Variants in FCHO1 observed in about 807,000 individuals in gnomAD.
FCHO1 encodes the protein F-BAR domain only protein 1.
In FCHO1, 45 loss-of-function variants were observed where a neutral mutation model predicts 114.4. The ratio of observed to expected loss-of-function variants is 0.39; its 90% CI spans 0.31 to 0.50. The LOEUF (loss-of-function observed/expected upper bound fraction) is 0.50, where lower values mean the gene tolerates loss of function less well. FCHO1 is among the 20% of genes least tolerant of loss of function. The pLI, the probability that FCHO1 is intolerant of heterozygous loss-of-function variation, is 0.77. For synonymous variants in FCHO1, 480 were observed against 488.9 expected (o/e 0.98, Z 0.24); for missense variants, 1,042 against 1,209.6 (o/e 0.86, Z 2.06).
chr19:17,787,814 G>A lies in FCHO1; in HGVS notation c.2615G>A (p.Arg872His), dbSNP rs200197890. The part of the protein sequence containing the change: ...VDLELVGSGY[R>H]MSLVKRRFAT... ...TTGGAACTGGTGGGCAGCGGTTACC[G>A]CATGTCGCTGGTGAAGAGGAGGTTT... Residue 872 changes from arginine to histidine, a missense_variant, in exon 28 of 29, where the codon CGC (arginine) becomes CAC (histidine). By Grantham distance (29) the Arg-to-His change is conservative. This residue lies in a region of FCHO1 where 137 missense variants were observed against 190.0 expected (regional missense o/e 0.72). Transcript: ENST00000596536. 342 of 1,613,222 alleles carry A rather than the reference G, an allele frequency of 2.1e-4. No individual in the cohort carries two copies. The highest frequency in any genetic ancestry group is 2.7e-4 in the Non-Finnish European group (324 of 1,179,824).
rs1326023850 is a variant in FCHO1 at position 17,776,626 on chromosome 19, C to T, written c.1208-9C>T. The T allele has an allele frequency of 1.7e-5, 28 of 1,613,882 alleles. No individual in the cohort carries two copies. The highest frequency in any genetic ancestry group is 2.4e-5 in the Non-Finnish European group (28 of 1,179,910). On this transcript the variant is annotated splice_polypyrimidine_tract_variant and intron_variant, in intron 17 of 28. Coordinates refer to ENST00000596536, the MANE Select transcript of FCHO1 (RefSeq NM_015122.3). This position sits in a 1 kb window ranked among gnomAD's most constrained non-coding sequence, Gnocchi z 4.4. The stretch of plus-strand genomic sequence containing the variant: ...GACAAGAAGGCTGAAGGAGGTGCAT[C>T]TCTTGTAGGGGACGCTGCTGGGAAA...
chr19:17,774,292 G>A lies in FCHO1; in HGVS notation c.835+9G>A, dbSNP rs2092292229. ...GGCTGCCCTGCAGGAAGGCAAGTACGTCTGGGCCTGGATGCCCAGGCTGGA... is the reference window on the plus strand; with the variant it reads ...GGCTGCCCTGCAGGAAGGCAAGTACATCTGGGCCTGGATGCCCAGGCTGGA... On this transcript the variant is annotated intron_variant, in intron 12 of 28. Coordinates refer to ENST00000596536, the MANE Select transcript of FCHO1 (RefSeq NM_015122.3). 5.0e-6 allele frequency: 8 copies of A among 1,613,984 alleles called. No homozygotes were observed. The highest frequency in any genetic ancestry group is 6.8e-6 in the Non-Finnish European group (8 of 1,180,016).
chr19:17,764,328 A>G (rs766322957), intron 5 of FCHO1, 47 bp from the exon 6 acceptor site: 1 of 1,586,002 alleles, frequency 6.3e-7, no homozygotes, highest in East Asian at 2.2e-5. Flanking sequence ...GGCGTGAACC[A>G]CTGCGCCCGG....
intron 5 of FCHO1, among the ~76,000 whole-genome samples, chr19:17,763,813 T>C (rs1446806568): frequency 6.6e-6 from 1 of 152,076 alleles, no homozygotes; most frequent in Non-Finnish European, 1.5e-5. Flanking sequence ...TCCTCCTGCC[T>C]CGGCCTCCCA....
chr19:17,764,487 G>T, intron 6 of FCHO1, 38 bp downstream of exon 6: 1 of 1,547,996 alleles, frequency 6.5e-7, no homozygotes, highest in Non-Finnish European at 8.8e-7. Context: ...GGGACATTGG[G>T]AGCCTCCTCC....
intron 18 of FCHO1, 59 bp from the exon 19 acceptor site, chr19:17,778,078 C>T: frequency 7.8e-7 from 1 of 1,284,200 alleles, no homozygotes; most frequent in Non-Finnish European, 1.1e-6. Context: ...GCAAAGGCCC[C>T]AGGGTGGGAT....
chr19:17,784,719 TC>T lies in FCHO1; in HGVS notation c.2227-4del, dbSNP rs747570444. On this transcript the variant is annotated splice_region_variant and splice_polypyrimidine_tract_variant and intron_variant, in intron 25 of 28. Coordinates refer to ENST00000596536, the MANE Select transcript of FCHO1 (RefSeq NM_015122.3). This position sits in a 1 kb window ranked among gnomAD's most constrained non-coding sequence, Gnocchi z 5.3. ...GTGTCCTCTCTCTCATTCTCATTCT[TC>T]CTAGTTCTCCCGCCCGGGTCCCCAG... The T allele has an allele frequency of 6.2e-7, 1 of 1,613,784 alleles. No homozygotes were observed. The highest frequency in any genetic ancestry group is 2.2e-5 in the East Asian group (1 of 44,878).
At chr19:17,749,142 T>A (rs1019321793), upstream of FCHO1, among the ~76,000 whole-genome samples, 2 of 151,998 alleles carry the variant, frequency 1.3e-5, no homozygotes, top group Non-Finnish European at 2.9e-5. Context: ...ACGCCAGGGG[T>A]GAACCTGTTC....
chr19:17,770,084 G>A (rs2091017661), intron 7 of FCHO1, among the ~76,000 whole-genome samples: 1 of 152,148 alleles, frequency 6.6e-6, no homozygotes, highest in African/African-American at 2.4e-5. Context: ...CAGATCACCT[G>A]AGGTCAGGAG....
chr19:17,780,499 C>T (rs1433230199), intron 20 of FCHO1, among the ~76,000 whole-genome samples: 1 of 151,884 alleles, frequency 6.6e-6, no homozygotes, highest in African/African-American at 2.4e-5. Context: ...GCAAATTCTG[C>T]CCCCCCAGGG....
Position 17,764,392 on chromosome 19 carries a change from C to T in FCHO1, c.137C>T (p.Thr46Ile). The T allele has an allele frequency of 6.2e-7, 1 of 1,613,720 alleles. No homozygotes were observed. The highest frequency in any genetic ancestry group is 8.5e-7 in the Non-Finnish European group (1 of 1,179,948). The change falls in exon 6 of 29, where the codon ACC (threonine) becomes ATC (isoleucine). Residue 46 changes from threonine to isoleucine, a missense_variant. Physicochemically the swap from Thr to Ile is moderately conservative, Grantham distance 89. Coordinates refer to ENST00000596536, the MANE Select transcript of FCHO1 (RefSeq NM_015122.3). ...CTCCCCAGGGCCACCATCGAGGAGA[C>T]CTACTCGAAGGCGATGGCGAAACTC... ...FIRERATIEE[T>I]YSKAMAKLSK...
chr19:17,779,855 G>T (rs1258131726), intron 20 of FCHO1, among the ~76,000 whole-genome samples: 1 of 151,860 alleles, frequency 6.6e-6, no homozygotes, highest in East Asian at 1.9e-4. Context: ...CCTCCTTGAA[G>T]ACGTCATCAA....
intron 6 of FCHO1, among the ~76,000 whole-genome samples, chr19:17,765,911 CAG>C (rs1251572673): frequency 9.8e-6 from 1 of 101,860 alleles, no homozygotes; most frequent in Non-Finnish European, 1.8e-5. Context: ...TTTTTTGAGA[CAG>C]AGTCTCACTC....
rs145427357 is a variant in FCHO1 at position 17,769,358 on chromosome 19, C to T, written c.337-1067C>T. Among the ~76,000 whole-genome samples, 854 of 150,368 alleles carry T rather than the reference C, an allele frequency of 5.7e-3. 49 individuals carry two copies. The East Asian group carries it at 0.14, about 25-fold the overall frequency. On this transcript the variant is annotated intron_variant, in intron 7 of 28. Coordinates refer to ENST00000596536, the MANE Select transcript of FCHO1 (RefSeq NM_015122.3). ...TTGGGAGTCCGAGGCAGGCAGATCA[C>T]GAGGTCAGGAGATCGAGACCATCCT... is the stretch of plus-strand genomic sequence containing the variant.
upstream of FCHO1, among the ~76,000 whole-genome samples, chr19:17,750,261 T>C (rs2081565259): frequency 6.6e-6 from 1 of 152,158 alleles, no homozygotes; most frequent in South Asian, 2.1e-4. Flanking sequence ...ACTTGGGTTC[T>C]AGCAGGGCTG....
chr19:17,752,993 G>C (rs1372258172), intron 1 of FCHO1, among the ~76,000 whole-genome samples: 4 of 152,090 alleles, frequency 2.6e-5, no homozygotes, highest in Non-Finnish European at 5.9e-5. Context: ...ACTATTCAAG[G>C]CTCCCTTGAG....
chr19:17,767,528 C>T (rs1310928404), intron 7 of FCHO1, among the ~76,000 whole-genome samples: 8 of 129,772 alleles, frequency 6.2e-5, no homozygotes, highest in African/African-American at 2.3e-4. Flanking sequence ...GATCATGCCA[C>T]TGCACTCCAG....
chr19:17,766,581 C>T (rs1472107453), intron 6 of FCHO1, 88 bp from the exon 7 acceptor site: 51 of 1,509,448 alleles, frequency 3.4e-5, no homozygotes, highest in Non-Finnish European at 4.0e-5. Context: ...CAGGGCTCAG[C>T]GTGCAGCACA....
Position 17,775,580 on chromosome 19 carries a change from A to C in FCHO1, c.1003+67A>C. ...AAGGACAAAATTCTCCGTAATAACC[A>C]GTCCACCTTCAGCAGTCCTCTCTGT... On this transcript the variant is annotated intron_variant, in intron 15 of 28. Transcript: ENST00000596536. The surrounding 1 kb of genome is among the most constrained non-coding windows in gnomAD (Gnocchi z 5.1). 7.1e-7 allele frequency: 1 copy of C among 1,409,396 alleles called. No homozygotes were observed. The highest frequency in any genetic ancestry group is 1.0e-6 in the Non-Finnish European group (1 of 993,864). 87.3% of individuals were successfully genotyped at this position (1,409,396 alleles called of 1,614,324 possible). A position where few individuals can be genotyped will look rare whatever the true frequency, so the allele number is the denominator to read the frequency against.
Sources: allele counts gnomAD v4.1 joint callset (sites outside exome capture counted in the v4.1 genomes callset), GRCh38; gene constraint gnomAD v4.1.1; regional missense constraint gnomAD v4.1.1; non-coding constraint Gnocchi (gnomAD v3.1); transcripts MANE v1.5; gene names NCBI Gene and HGNC (gene_info 2026-07-23, HGNC 2026-07-21).